Variants in TYW1 observed in about 807,000 individuals in gnomAD.
The protein encoded by TYW1 is tRNA-yW synthesizing protein 1 homolog, also known as S-adenosyl-L-methionine-dependent tRNA 4-demethylwyosine synthase TYW1.
In TYW1, 46 loss-of-function variants were observed where a neutral mutation model predicts 96.2. The ratio of observed to expected loss-of-function variants is 0.48; its 90% confidence interval spans 0.38 to 0.61. The LOEUF is 0.61. Among genes scored for constraint, TYW1 ranks in the 20% least tolerant of loss-of-function variants. The probability of loss-of-function intolerance (pLI) is 0.00; values close to 1 mark genes in which losing one functional copy is unlikely to be tolerated. For missense variants in TYW1, 684 were observed against 909.6 expected, an observed-to-expected ratio of 0.75 and a Z score of 3.19; for synonymous variants, 274 against 323.0, an observed-to-expected ratio of 0.85 and a Z score of 1.63.
chr7:67,146,475 T>TCAAC (rs1798613891), intron 13 of TYW1, among the ~76,000 whole-genome samples: 1 of 142,532 alleles, frequency 7.0e-6, no homozygotes, highest in East Asian at 2.0e-4. Flanking sequence ...AGATGAAAAA[T>TCAAC]AAAAATATAA....
rs1487666371 is a variant in TYW1 at position 67,083,495 on chromosome 7, A to G, written c.1340A>G (p.Lys447Arg). 1.2e-6 allele frequency: 2 copies of G among 1,614,082 alleles called. No homozygotes were observed. The highest frequency in any genetic ancestry group is 2.7e-5 in the African/African-American group (2 of 74,940). Residue 447 changes from lysine (K) to arginine (R), a missense_variant, in exon 11 of 16, where the codon AAG becomes AGG. By Grantham distance (26) the Lys-to-Arg change is conservative (BLOSUM62 2). Coordinates refer to ENST00000359626, the MANE Select transcript of TYW1 (RefSeq NM_018264.4). ...WKMDQPEMILKEAIENHQNMI... is the reference protein window; with the variant it reads ...WKMDQPEMILREAIENHQNMI... ...ATGGACCAGCCTGAAATGATCTTGA[A>G]GGAAGCCATTGAAAACCATCAGAAC...
At chr7:67,230,780 G>A (rs1801730153) in intron 15 of TYW1, among the ~76,000 whole-genome samples, 1 of 151,226 alleles carries the variant, frequency 6.6e-6, no homozygotes, top group South Asian at 2.1e-4. Flanking sequence ...AGCCTCCTGG[G>A]TAGCTGGGAC....
At chr7:67,197,300 A>G (rs1800426133) in intron 15 of TYW1, among the ~76,000 whole-genome samples, 1 of 151,094 alleles carries the variant, frequency 6.6e-6, no homozygotes, top group South Asian at 2.1e-4. Context: ...GCATCCCTAC[A>G]AGGTAGGTAC....
rs1793282646 is a variant in TYW1, at chr7:66,998,871, A to C, written c.190A>C (p.Asn64His). 3 of 1,614,188 alleles carry C rather than the reference A, an allele frequency of 1.9e-6. No homozygotes were observed. Among genetic ancestry groups the C allele is most frequent in the African/African-American group, 1.3e-5 (1 of 75,068 alleles). Residue 64 changes from asparagine (N) to histidine (H), a missense_variant, in exon 3 of 16, where the codon AAT (asparagine) becomes CAT (histidine). Physicochemically the swap from Asn to His is moderately conservative, Grantham distance 68. Coordinates refer to ENST00000359626, the MANE Select transcript of TYW1 (RefSeq NM_018264.4). Reference protein sequence around the residue: ...VPKAAQDLMTNGYVSLQEKDI... With the variant: ...VPKAAQDLMTHGYVSLQEKDI... ...AAAAGCAGCTCAGGATTTGATGACA[A>C]ATGGTTATGTCTCCCTTCAAGAGAA...
At chr7:67,144,080 A>G (rs1798528412) in intron 13 of TYW1, among the ~76,000 whole-genome samples, 1 of 152,250 alleles carries the variant, frequency 6.6e-6, no homozygotes, top group Non-Finnish European at 1.5e-5. Context: ...TAGGTCATTA[A>G]TGTAGCAGTG....
chr7:67,165,214 C>A (rs2116235460), intron 13 of TYW1, among the ~76,000 whole-genome samples: 1 of 152,286 alleles, frequency 6.6e-6, no homozygotes, highest in South Asian at 2.1e-4. Context: ...ACTAGTAAGT[C>A]AGTACCATAT....
intron 13 of TYW1, among the ~76,000 whole-genome samples, chr7:67,171,239 T>C (rs1372994581): frequency 1.3e-5 from 2 of 152,178 alleles, no homozygotes; most frequent in Non-Finnish European, 2.9e-5. Context: ...TTAGTAGTAT[T>C]TTCTCCACTT....
chr7:66,998,874 G>A lies in TYW1; in HGVS notation c.193G>A (p.Gly65Ser), dbSNP rs748083874. 1.2e-6 allele frequency: 2 copies of A among 1,614,114 alleles called. No individual in the cohort carries two copies. Among genetic ancestry groups the A allele is most frequent in the South Asian group, 2.2e-5 (2 of 91,082 alleles). Residue 65 changes from glycine (G) to serine (S), a missense_variant, in exon 3 of 16, where the codon GGT becomes AGT. By Grantham distance (56) the Gly-to-Ser change is moderately conservative. Coordinates refer to ENST00000359626, the MANE Select transcript of TYW1 (RefSeq NM_018264.4). ...AGCAGCTCAGGATTTGATGACAAAT[G>A]GTTATGTCTCCCTTCAAGAGAAAGA... The part of the protein sequence containing the change: ...PKAAQDLMTN[G>S]YVSLQEKDIF...
rs187876903 is a variant in TYW1 at position 67,013,430 on chromosome 7, A to C, written c.376-937A>C. On this transcript the variant is annotated intron_variant, in intron 4 of 15. Coordinates refer to ENST00000359626, the MANE Select transcript of TYW1 (RefSeq NM_018264.4). Reference sequence around the variant, plus strand: ...GAGCCACTGGGCCCAGCCAACATCCACTGCCTTGATATGGATATTCACAGC... The same window carrying C: ...GAGCCACTGGGCCCAGCCAACATCCCCTGCCTTGATATGGATATTCACAGC... Among the ~76,000 whole-genome samples the C allele has an allele frequency of 1.9e-3, 291 of 152,066 alleles. 1 individual carries two copies. The highest frequency in any genetic ancestry group is 6.8e-3 in the Middle Eastern group (2 of 294).
intron 15 of TYW1, among the ~76,000 whole-genome samples, chr7:67,206,414 T>G (rs1388879125): frequency 3.9e-5 from 6 of 152,022 alleles, no homozygotes; most frequent in Admixed American, 2.6e-4. Flanking sequence ...GTGGATCACC[T>G]TAGGTCAGGA....
intron 13 of TYW1, among the ~76,000 whole-genome samples, chr7:67,131,077 TTC>T (rs68085526): frequency 0.27 from 41,097 of 150,728 alleles, 6,395 homozygotes; most frequent in African/African-American, 0.43. Context: ...TTGGTGTATA[TTC>T]TGTTATTTCC....
At chr7:67,136,391 G>A (rs1798255802) in intron 13 of TYW1, among the ~76,000 whole-genome samples, 1 of 152,136 alleles carries the variant, frequency 6.6e-6, no homozygotes, top group Admixed American at 6.6e-5. Flanking sequence ...TTACAGTTAT[G>A]TAATTCTGTA....
At chr7:67,237,352 T>G (rs1801920385) in intron 15 of TYW1, among the ~76,000 whole-genome samples, 1 of 151,710 alleles carries the variant, frequency 6.6e-6, no homozygotes, top group African/African-American at 2.4e-5. Context: ...TACAAAAAAT[T>G]AGCCAGGTGT....
At chr7:67,237,651 G>A (rs4718499) in intron 15 of TYW1, among the ~76,000 whole-genome samples, 72,721 of 150,930 alleles carry the variant, frequency 0.48, 18,036 homozygotes, top group African/African-American at 0.61. Flanking sequence ...ATTTCCTTCT[G>A]AGCCTCTTCA....
At chr7:67,061,219 C>G (rs1311221094) in intron 9 of TYW1, among the ~76,000 whole-genome samples, 1 of 152,040 alleles carries the variant, frequency 6.6e-6, no homozygotes, top group East Asian at 1.9e-4. Flanking sequence ...GAGAGTGAGA[C>G]TCCATCTCAA....
chr7:67,037,268 G>A (rs2129253761), intron 7 of TYW1, among the ~76,000 whole-genome samples: 1 of 152,202 alleles, frequency 6.6e-6, no homozygotes, highest in Middle Eastern at 3.4e-3. Flanking sequence ...AGCATTTTGG[G>A]AGGCCGAGGC....
chr7:67,053,973 C>G (rs1795437358), intron 8 of TYW1, among the ~76,000 whole-genome samples: 1 of 152,198 alleles, frequency 6.6e-6, no homozygotes, highest in Admixed American at 6.5e-5. Context: ...TGGGTAGTCT[C>G]TCTTTGCTAC....
intron 11 of TYW1, among the ~76,000 whole-genome samples, chr7:67,085,404 C>G (rs933740320): frequency 6.6e-4 from 100 of 152,268 alleles, no homozygotes; most frequent in African/African-American, 2.2e-3. Context: ...GGCTCTTCCC[C>G]CTTTGCTCTG....
chr7:67,180,715 C>T (rs1799814435), intron 13 of TYW1, among the ~76,000 whole-genome samples: 2 of 151,796 alleles, frequency 1.3e-5, no homozygotes, highest in Non-Finnish European at 2.9e-5. Context: ...CAGTCTTGGC[C>T]CATTGCAACC....
Sources: gnomAD v4.1 joint callset for allele counts (sites outside exome capture counted in the v4.1 genomes callset) on GRCh38, gnomAD v4.1.1 for gene constraint, MANE v1.5 for transcripts, NCBI Gene and HGNC (gene_info 2026-07-23, HGNC 2026-07-21) for gene names.